TUT4: variants seen among roughly 807,000 people sequenced by gnomAD.
The protein encoded by TUT4 is terminal uridylyltransferase 4.
TUT4 carries 36 observed loss-of-function variants against 192.2 expected under a neutral mutation model. The ratio of observed to expected loss-of-function variants is 0.19; its 90% CI spans 0.14 to 0.25. The LOEUF (loss-of-function observed/expected upper bound fraction) is 0.25. Among genes scored for constraint, TUT4 ranks in the 10% least tolerant of loss-of-function variants. TUT4 has a pLI of 1.00. For synonymous variants in TUT4, 618 were observed against 666.0 expected, an observed-to-expected ratio of 0.93 and a Z score of 1.11; for missense variants, 1,493 against 1,957.2, an observed-to-expected ratio of 0.76 and a Z score of 4.47.
intron 19 of TUT4, among the ~76,000 whole-genome samples, chr1:52,458,982 G>A (rs1286661184): frequency 6.6e-6 from 1 of 151,856 alleles, no homozygotes; most frequent in East Asian, 1.9e-4. Context: ...AATAATTAAC[G>A]ACTATTCACA....
intron 28 of TUT4, among the ~76,000 whole-genome samples, chr1:52,427,253 T>C (rs113607064): frequency 5.9e-5 from 9 of 152,104 alleles, no homozygotes; most frequent in African/African-American, 7.2e-5. Flanking sequence ...GTGATCTAAA[T>C]TTAAAAATGG....
intron 20 of TUT4, among the ~76,000 whole-genome samples, chr1:52,455,666 G>T (rs540960709): frequency 9.4e-4 from 139 of 147,498 alleles, no homozygotes; most frequent in African/African-American, 3.3e-3. Flanking sequence ...GGCAGGGGAG[G>T]GGGGGAGAGG....
intron 20 of TUT4, among the ~76,000 whole-genome samples, chr1:52,455,297 T>C (rs895703177): frequency 4.6e-5 from 7 of 151,782 alleles, no homozygotes; most frequent in African/African-American, 1.7e-4. Flanking sequence ...AATAAATAAA[T>C]AGATAAATAA....
chr1:52,437,049 C>CA (rs1654008601), intron 25 of TUT4, 71 bp from the exon 26 acceptor site: 2 of 1,545,854 alleles, frequency 1.3e-6, no homozygotes, highest in African/African-American at 2.7e-5. Flanking sequence ...GCAGGACTCT[C>CA]ACAATAACAA....
At chr1:52,474,121 T>C (rs1476413934) in intron 13 of TUT4, among the ~76,000 whole-genome samples, 1 of 152,182 alleles carries the variant, frequency 6.6e-6, no homozygotes, top group Non-Finnish European at 1.5e-5. Flanking sequence ...GGTGGGAGAA[T>C]GGCTTGAGCC....
intron 1 of TUT4, among the ~76,000 whole-genome samples, chr1:52,533,816 T>C (rs960263568): frequency 2.0e-5 from 3 of 151,798 alleles, no homozygotes; most frequent in East Asian, 3.9e-4. Flanking sequence ...TACAAAAAAA[T>C]TTAGCCAGGT....
chr1:52,481,971 T>C (rs1393372721), intron 9 of TUT4, 48 bp from the exon 10 acceptor site: 10 of 1,408,104 alleles, frequency 7.1e-6, no homozygotes, highest in Non-Finnish European at 9.3e-6. Flanking sequence ...TTTCTTAATT[T>C]TCATGATAAA....
At chr1:52,456,570 C>T (rs1425797581) in intron 20 of TUT4, among the ~76,000 whole-genome samples, 4 of 149,994 alleles carry the variant, frequency 2.7e-5, no homozygotes, top group African/African-American at 9.8e-5. Flanking sequence ...ACACATATCA[C>T]TGAGTGATGG....
intron 7 of TUT4, among the ~76,000 whole-genome samples, chr1:52,493,002 TTA>T (rs1377370137): frequency 6.6e-6 from 1 of 152,220 alleles, no homozygotes; most frequent in African/African-American, 2.4e-5. Flanking sequence ...TTGTCTTCTT[TTA>T]CATAAGAAAT....
Position 52,472,110 on chromosome 1 carries a change from A to G in TUT4, c.2728-8T>C. 1 of 1,610,938 alleles carries G rather than the reference A, an allele frequency of 6.2e-7. No individual in the cohort carries two copies. Among genetic ancestry groups the G allele is most frequent in the Non-Finnish European group, 8.5e-7 (1 of 1,178,802 alleles). On this transcript the variant is annotated splice_region_variant and splice_polypyrimidine_tract_variant and intron_variant, in intron 13 of 29. Coordinates refer to ENST00000257177, the MANE Select transcript of TUT4 (RefSeq NM_001009881.3). ...GCATACTATCGTTGGTGGCTACACA[A>G]AGATAAAAAGAAATCTAATCTAATA...
At chr1:52,488,324 CTCTAG>C (rs1436001826) in intron 9 of TUT4, among the ~76,000 whole-genome samples, 10 of 152,332 alleles carry the variant, frequency 6.6e-5, no homozygotes, top group Admixed American at 3.9e-4. Flanking sequence ...AAATCTCTCT[CTCTAG>C]TCATTTGGAC....
At chr1:52,456,748 T>C (rs1172829789) in intron 20 of TUT4, among the ~76,000 whole-genome samples, 2 of 152,216 alleles carry the variant, frequency 1.3e-5, no homozygotes, top group Admixed American at 6.5e-5. Flanking sequence ...TGTATGATAC[T>C]GTAATGGCAT....
intron 15 of TUT4, among the ~76,000 whole-genome samples, chr1:52,466,525 C>T (rs1664183135): frequency 6.6e-6 from 1 of 151,072 alleles, no homozygotes; most frequent in Non-Finnish European, 1.5e-5. Context: ...GTGGTCCCAG[C>T]TACTCAGGAG....
chr1:52,434,045 A>AT (rs1418571029), intron 27 of TUT4: 1 of 152,238 alleles, frequency 6.6e-6, no homozygotes, highest in Non-Finnish European at 1.5e-5. Flanking sequence ...TACTTTTGAA[A>AT]TATTTTATAA....
At chr1:52,504,889 T>C (rs1675114913) in intron 4 of TUT4, among the ~76,000 whole-genome samples, 1 of 152,228 alleles carries the variant, frequency 6.6e-6, no homozygotes, top group African/African-American at 2.4e-5. Flanking sequence ...TTCATCCATG[T>C]TGTTGCATAA....
intron 26 of TUT4, among the ~76,000 whole-genome samples, chr1:52,436,358 C>T (rs1421647223): frequency 1.3e-5 from 2 of 151,962 alleles, no homozygotes; most frequent in Non-Finnish European, 2.9e-5. Flanking sequence ...TGGTGGCATG[C>T]GCCTGTAATC....
At chr1:52,492,224 T>C (rs936133345) in intron 7 of TUT4, among the ~76,000 whole-genome samples, 2 of 152,134 alleles carry the variant, frequency 1.3e-5, no homozygotes, top group South Asian at 2.1e-4. Flanking sequence ...ACCAAACTCA[T>C]TCCTAGAAAA....
At chr1:52,438,738 T>C (rs12407818) in intron 24 of TUT4, among the ~76,000 whole-genome samples, 9,350 of 152,280 alleles carry the variant, frequency 0.061, 311 homozygotes, top group South Asian at 0.086. Flanking sequence ...CTTTCTGCTA[T>C]ATCGGGCTAC....
intron 9 of TUT4, among the ~76,000 whole-genome samples, chr1:52,483,692 C>A (rs1305623848): frequency 6.6e-6 from 1 of 152,060 alleles, no homozygotes; most frequent in Non-Finnish European, 1.5e-5. Context: ...CACCTTTAAT[C>A]TCAGCTACTC....
Sources: allele counts gnomAD v4.1 joint callset (sites outside exome capture counted in the v4.1 genomes callset), GRCh38; gene constraint gnomAD v4.1.1; transcripts MANE v1.5; gene names NCBI Gene and HGNC (gene_info 2026-07-23, HGNC 2026-07-21).